The following SOBP variants were observed in gnomAD, a reference collection of about 807,000 sequenced individuals.
SOBP encodes sine oculis-binding protein homolog.
SOBP carries 4 observed loss-of-function variants against 53.6 expected under a neutral mutation model. The observed-to-expected ratio is 0.07, with a 90% CI of 0.04 to 0.17. The LOEUF (loss-of-function observed/expected upper bound fraction) is 0.17. SOBP is among the 10% of genes least tolerant of loss of function. The pLI is 1.00. For synonymous variants in SOBP, 584 were observed against 522.6 expected (o/e 1.12, Z -1.60); for missense variants, 1,088 against 1,204.7 (o/e 0.90, Z 1.43).
At chr6:107,549,780 T>C (rs573225033) in intron 4 of SOBP, among the ~76,000 whole-genome samples, 3 of 152,330 alleles carry the variant, frequency 2.0e-5, no homozygotes, top group South Asian at 2.1e-4. Flanking sequence ...AAAGGTGATA[T>C]AGACCTCAAT....
chr6:107,609,686 T>C lies in SOBP; in HGVS notation c.669+22511T>C, dbSNP rs1055440547. Among the ~76,000 whole-genome samples the C allele has an allele frequency of 2.6e-5, 4 of 152,216 alleles. No homozygotes were observed. The East Asian group carries it at 7.7e-4, about 29-fold the overall frequency. ...CAGCCCTGGTGAGGGGGTAATCTTG[T>C]TGCCTAGCTCCGTTATGCATAAGGA... On this transcript the variant is annotated intron_variant, in intron 5 of 6. Coordinates refer to ENST00000317357, the MANE Select transcript of SOBP (RefSeq NM_018013.4).
chr6:107,644,319 C>CA (rs1199040605), intron 6 of SOBP, among the ~76,000 whole-genome samples: 2 of 152,118 alleles, frequency 1.3e-5, no homozygotes, highest in Non-Finnish European at 2.9e-5. Flanking sequence ...AAAAAACAAA[C>CA]AAAAAACTTC....
chr6:107,567,849 A>G (rs1446394706), intron 4 of SOBP, among the ~76,000 whole-genome samples: 2 of 152,170 alleles, frequency 1.3e-5, no homozygotes, highest in Admixed American at 6.5e-5. Flanking sequence ...GACCTGGAAC[A>G]AAGGGAGTTT....
intron 4 of SOBP, among the ~76,000 whole-genome samples, chr6:107,567,844 G>A (rs1400614266): frequency 6.6e-6 from 1 of 152,190 alleles, no homozygotes; most frequent in Non-Finnish European, 1.5e-5. Context: ...TGGGAGACCT[G>A]GAACAAAGGG....
chr6:107,541,013 G>A (rs1784133474), intron 4 of SOBP, among the ~76,000 whole-genome samples: 3 of 152,290 alleles, frequency 2.0e-5, no homozygotes, highest in Admixed American at 6.5e-5. Flanking sequence ...TAGTGTCTTT[G>A]TAAGTCATCC....
rs139825649 is a variant in SOBP at position 107,614,529 on chromosome 6, A to G, written c.670-18985A>G. On this transcript the variant is annotated intron_variant, in intron 5 of 6. Transcript: ENST00000317357. Reference sequence around the variant, plus strand: ...CTTCGAGAGAGAGGGGGCCAGGCCCATGGGTAGGGTTTGCAAGAAGGCAGT... The same window carrying G: ...CTTCGAGAGAGAGGGGGCCAGGCCCGTGGGTAGGGTTTGCAAGAAGGCAGT... 1.2e-4 allele frequency among the ~76,000 whole-genome samples: 19 copies of G among 152,326 alleles called. No homozygotes were observed. The East Asian group carries it at 2.1e-3, about 17-fold the overall frequency.
intron 4 of SOBP, among the ~76,000 whole-genome samples, chr6:107,542,575 G>A (rs1005944170): frequency 1.3e-5 from 2 of 152,176 alleles, no homozygotes; most frequent in African/African-American, 4.8e-5. Context: ...GATCCCGTAT[G>A]CAAGGGGGAT....
intron 4 of SOBP, among the ~76,000 whole-genome samples, chr6:107,553,152 C>G (rs924082007): frequency 1.3e-5 from 2 of 151,828 alleles, no homozygotes; most frequent in African/African-American, 4.8e-5. Flanking sequence ...GGGAGTTTAA[C>G]TGTTTGAATC....
At chr6:107,561,287 A>T (rs1287870140) in intron 4 of SOBP, among the ~76,000 whole-genome samples, 1 of 149,910 alleles carries the variant, frequency 6.7e-6, no homozygotes, top group African/African-American at 2.4e-5. Context: ...TCTTTAAATT[A>T]AAAAAAAAAT....
At chr6:107,530,723 T>C (rs1332429709) in intron 3 of SOBP, among the ~76,000 whole-genome samples, 1 of 152,130 alleles carries the variant, frequency 6.6e-6, no homozygotes, top group Non-Finnish European at 1.5e-5. Context: ...AATGGAGTTG[T>C]ATGAAAAACT....
At chr6:107,656,370 T>G (rs1728110) in intron 6 of SOBP, among the ~76,000 whole-genome samples, 1 of 58,640 alleles carries the variant, frequency 1.7e-5, no homozygotes, top group African/African-American at 4.3e-5. Context: ...AGAAAGAAAG[T>G]AAGTCAAATG....
chr6:107,607,734 A>C (rs549768254), intron 5 of SOBP, among the ~76,000 whole-genome samples: 33 of 152,290 alleles, frequency 2.2e-4, no homozygotes, highest in Middle Eastern at 3.4e-3. Flanking sequence ...TAATCAGTAT[A>C]ATTATATTTT....
intron 6 of SOBP, among the ~76,000 whole-genome samples, chr6:107,648,522 A>C (rs1371448106): frequency 6.7e-6 from 1 of 149,862 alleles, no homozygotes; most frequent in East Asian, 2.0e-4. Flanking sequence ...CTTGATGAAA[A>C]TGTGTGGTTT....
intron 1 of SOBP, among the ~76,000 whole-genome samples, chr6:107,500,210 G>A (rs1028252231): frequency 2.0e-5 from 3 of 151,946 alleles, no homozygotes; most frequent in East Asian, 3.9e-4. Context: ...TTGCCAACAT[G>A]GTGAGCCCCG....
At chr6:107,495,429 C>T (rs995593014) in intron 1 of SOBP, among the ~76,000 whole-genome samples, 8 of 152,116 alleles carry the variant, frequency 5.3e-5, no homozygotes, top group Non-Finnish European at 7.3e-5. Flanking sequence ...TACGGTAGAG[C>T]GTCATTCTCT....
At chr6:107,630,535 C>T (rs1024350200) in intron 5 of SOBP, among the ~76,000 whole-genome samples, 2 of 152,110 alleles carry the variant, frequency 1.3e-5, no homozygotes, top group African/African-American at 4.8e-5. Flanking sequence ...TGTTTTATTG[C>T]CTCACATGAT....
chr6:107,586,975 A>C (rs1785588676), intron 4 of SOBP, 105 bp from the exon 5 acceptor site: 1 of 863,508 alleles, frequency 1.2e-6, no homozygotes, highest in Non-Finnish European at 2.0e-6. Flanking sequence ...TATTGTTGTT[A>C]TTTCTGGATT....
At chr6:107,532,741 C>G (rs1562594440) in intron 3 of SOBP, among the ~76,000 whole-genome samples, 1 of 152,156 alleles carries the variant, frequency 6.6e-6, no homozygotes, top group South Asian at 2.1e-4. Context: ...ATTACCATCC[C>G]TCCATCCAGG....
intron 4 of SOBP, among the ~76,000 whole-genome samples, chr6:107,582,459 A>G (rs1224650770): frequency 6.6e-6 from 1 of 152,136 alleles, no homozygotes; most frequent in East Asian, 1.9e-4. Flanking sequence ...ATTTATCTAA[A>G]TGTTAGGCAC....
Sources: allele counts gnomAD v4.1 joint callset (sites outside exome capture counted in the v4.1 genomes callset), GRCh38; gene constraint gnomAD v4.1.1; transcripts MANE v1.5; gene names NCBI Gene and HGNC (gene_info 2026-07-23, HGNC 2026-07-21).